The following CCSER1 variants were observed in gnomAD, a reference collection of about 807,000 sequenced individuals.
The protein encoded by CCSER1 is serine-rich coiled-coil domain-containing protein 1.
A neutral mutation model predicts 82.0 loss-of-function variants in CCSER1; 41 were observed. That is an observed-to-expected ratio of 0.50 (90% CI 0.39 to 0.65). CCSER1 has a LOEUF of 0.65. Ranked by LOEUF, CCSER1 falls within the 30% of genes least tolerant of loss-of-function variation. The pLI, the probability that CCSER1 is intolerant of heterozygous loss-of-function variation, is 0.00. For synonymous variants in CCSER1, 414 were observed against 383.9 expected (o/e 1.08, Z -0.92); for missense variants, 1,119 against 1,064.2 (o/e 1.05, Z -0.72).
intron 6 of CCSER1, among the ~76,000 whole-genome samples, chr4:90,701,484 G>A (rs62314431): frequency 0.43 from 65,736 of 151,834 alleles, 14,597 homozygotes; most frequent in African/African-American, 0.52. Flanking sequence ...TTTTGGTTCC[G>A]TATGAACTTT....
intron 10 of CCSER1, among the ~76,000 whole-genome samples, chr4:91,093,437 T>C (rs1024694298): frequency 6.6e-6 from 1 of 152,250 alleles, no homozygotes; most frequent in African/African-American, 2.4e-5. Flanking sequence ...TAGCAAGCTT[T>C]GGTACTTGGT....
intron 9 of CCSER1, among the ~76,000 whole-genome samples, chr4:90,991,970 C>T (rs906975829): frequency 3.9e-4 from 60 of 151,976 alleles, no homozygotes; most frequent in Admixed American, 3.9e-3. Context: ...CTTGTTAGTT[C>T]TTGCCTTACT....
At chr4:91,530,427 A>G (rs1488450202) in intron 10 of CCSER1, among the ~76,000 whole-genome samples, 1 of 152,082 alleles carries the variant, frequency 6.6e-6, no homozygotes, top group African/African-American at 2.4e-5. Context: ...CCCATCTGTT[A>G]TATTATCAAA....
intron 8 of CCSER1, among the ~76,000 whole-genome samples, chr4:90,849,391 A>G (rs1384635209): frequency 2.6e-5 from 4 of 152,146 alleles, no homozygotes; most frequent in African/African-American, 9.7e-5. Context: ...AACTTGAGAG[A>G]GATGACTTAG....
intron 8 of CCSER1, among the ~76,000 whole-genome samples, chr4:90,816,885 G>A (rs538590248): frequency 6.6e-6 from 1 of 152,196 alleles, no homozygotes; most frequent in Non-Finnish European, 1.5e-5. Context: ...AACTGACAAT[G>A]TTTTCCCTGA....
intron 10 of CCSER1, among the ~76,000 whole-genome samples, chr4:91,262,053 C>T (rs943997040): frequency 5.9e-5 from 9 of 151,562 alleles, no homozygotes; most frequent in African/African-American, 9.7e-5. Flanking sequence ...ATATTTGCCC[C>T]GGATGATTAA....
At chr4:90,383,292 A>T (rs1749500890) in intron 3 of CCSER1, among the ~76,000 whole-genome samples, 1 of 152,234 alleles carries the variant, frequency 6.6e-6, no homozygotes, top group Admixed American at 6.5e-5. Flanking sequence ...TATCATTTGA[A>T]TACAAAAGGA....
chr4:90,428,888 A>G (rs928471217), intron 4 of CCSER1, among the ~76,000 whole-genome samples: 12 of 151,892 alleles, frequency 7.9e-5, no homozygotes, highest in African/African-American at 2.9e-4. Context: ...CTAAGGAGAT[A>G]TGACAACTGA....
intron 8 of CCSER1, among the ~76,000 whole-genome samples, chr4:90,854,880 G>T (rs1561253329): frequency 6.6e-6 from 1 of 152,130 alleles, no homozygotes; most frequent in Non-Finnish European, 1.5e-5. Flanking sequence ...TTGACTCACA[G>T]TTCCACTGGC....
At chr4:90,339,790 C>CT (rs572285646) in intron 3 of CCSER1, among the ~76,000 whole-genome samples, 114 of 152,008 alleles carry the variant, frequency 7.5e-4, no homozygotes, top group Non-Finnish European at 1.3e-3. Context: ...ACCATGCTTC[C>CT]TTTTTTCTCA....
At chr4:90,389,427 C>A (rs892398361) in intron 3 of CCSER1, among the ~76,000 whole-genome samples, 1 of 152,048 alleles carries the variant, frequency 6.6e-6, no homozygotes, top group African/African-American at 2.4e-5. Context: ...TCAAAATAAC[C>A]AACATATTAT....
At chr4:90,134,425 A>G (rs1359144662) in intron 1 of CCSER1, among the ~76,000 whole-genome samples, 1 of 152,190 alleles carries the variant, frequency 6.6e-6, no homozygotes, top group Non-Finnish European at 1.5e-5. Context: ...TGGTACTCCC[A>G]TCTTCTTATT....
chr4:91,496,696 C>CTG lies in CCSER1; in HGVS notation c.2218-101876_2218-101875insTG, dbSNP rs1553946276. 6.6e-4 allele frequency among the ~76,000 whole-genome samples: 10 copies of CTG among 15,058 alleles called. 3 individuals are homozygous for CTG. Among genetic ancestry groups the CTG allele is most frequent in the Non-Finnish European group, 1.5e-3 (10 of 6,746 alleles). 9.9% of individuals were successfully genotyped at this position (15,058 alleles called of 152,430 possible). A position where few individuals can be genotyped will look rare whatever the true frequency, so the allele number is the denominator to read the frequency against. On this transcript the variant is annotated intron_variant, in intron 10 of 10. Transcript: ENST00000509176. ...CAATATATTTGAATATATATATATT[C>CTG]AATATATATATATATTCAATATATA... is the stretch of plus-strand genomic sequence containing the variant.
intron 7 of CCSER1, among the ~76,000 whole-genome samples, chr4:90,752,144 C>T (rs752986569): frequency 2.0e-5 from 3 of 152,034 alleles, no homozygotes; most frequent in East Asian, 1.9e-4. Flanking sequence ...AACTTTACAG[C>T]GACTCCATGA....
chr4:90,340,508 G>T (rs1283083045), intron 3 of CCSER1, among the ~76,000 whole-genome samples: 4 of 152,002 alleles, frequency 2.6e-5, no homozygotes, highest in Non-Finnish European at 5.9e-5. Flanking sequence ...TTAAAAATCA[G>T]ACATTTTGGC....
At chr4:90,272,397 G>A (rs111292881) in intron 1 of CCSER1, among the ~76,000 whole-genome samples, 7,379 of 152,048 alleles carry the variant, frequency 0.049, 476 homozygotes, top group African/African-American at 0.15. Flanking sequence ...TATCCAAAAG[G>A]CAGACAATAA....
chr4:90,307,805 AG>A (rs953710118), intron 1 of CCSER1, among the ~76,000 whole-genome samples: 37 of 152,254 alleles, frequency 2.4e-4, no homozygotes, highest in African/African-American at 8.7e-4. Flanking sequence ...AAATACTTCT[AG>A]TGGTCTCTGA....
chr4:90,471,005 A>G (rs2153590414), intron 5 of CCSER1, among the ~76,000 whole-genome samples: 1 of 152,286 alleles, frequency 6.6e-6, no homozygotes, highest in Admixed American at 6.5e-5. Context: ...AGGCAGAGAT[A>G]GATGAGGTGT....
At chr4:91,186,137 T>A (rs1394197427) in intron 10 of CCSER1, among the ~76,000 whole-genome samples, 3 of 152,172 alleles carry the variant, frequency 2.0e-5, no homozygotes, top group Admixed American at 1.3e-4. Flanking sequence ...CAACTACTTT[T>A]CACCCAGTGT....
Sources: gnomAD v4.1 joint callset for allele counts (sites outside exome capture counted in the v4.1 genomes callset) on GRCh38, gnomAD v4.1.1 for gene constraint, MANE v1.5 for transcripts, NCBI Gene and HGNC (gene_info 2026-07-23, HGNC 2026-07-21) for gene names.